Variants in SCUBE2 observed in about 807,000 individuals in gnomAD.
SCUBE2 encodes the protein signal peptide, CUB and EGF-like domain-containing protein 2.
SCUBE2 carries 114 observed loss-of-function variants against 125.9 expected under a neutral mutation model. The ratio of observed to expected loss-of-function variants is 0.91; its 90% CI spans 0.78 to 1.06. The LOEUF (loss-of-function observed/expected upper bound fraction) is 1.06, where lower values mean the gene tolerates loss of function less well. Ranked by LOEUF, SCUBE2 falls within the 50% of genes least tolerant of loss-of-function variation. SCUBE2 has a pLI of 0.00. For missense variants in SCUBE2, 1,255 were observed against 1,301.8 expected, an observed-to-expected ratio of 0.96 and a Z score of 0.55; for synonymous variants, 459 against 492.9, an observed-to-expected ratio of 0.93 and a Z score of 0.91.
chr11:9,030,997 C>G (rs113440909), intron 17 of SCUBE2, 72 bp from the exon 18 acceptor site: 5 of 1,437,138 alleles, frequency 3.5e-6, no homozygotes, highest in South Asian at 1.3e-5. Flanking sequence ...CCAAATGAGA[C>G]CAACTTCAGT....
chr11:9,083,179 A>G (rs907865817), intron 2 of SCUBE2, among the ~76,000 whole-genome samples: 1 of 151,992 alleles, frequency 6.6e-6, no homozygotes, highest in African/African-American at 2.4e-5. Flanking sequence ...AGGGAAATGC[A>G]TGGAAGGAGG....
At chr11:9,072,693 G>T (rs1038139905) in intron 4 of SCUBE2, among the ~76,000 whole-genome samples, 1 of 152,168 alleles carries the variant, frequency 6.6e-6, no homozygotes, top group African/African-American at 2.4e-5. Context: ...CAAGCAATCA[G>T]GTTGAAACAC....
Position 9,055,889 on chromosome 11 carries a change from C to A in SCUBE2, c.1111G>T (p.Asp371Tyr), listed in dbSNP as rs768800446. 3.6e-5 allele frequency: 58 copies of A among 1,614,032 alleles called. No individual in the cohort carries two copies. The Middle Eastern group carries it at 6.6e-4, about 18-fold the overall frequency. The change falls in exon 10 of 23, where the codon GAT becomes TAT. Residue 371 changes from aspartate (D) to tyrosine (Y), a missense_variant. Asp to Tyr is a radical substitution (Grantham distance 160). This residue lies in a region of SCUBE2 where 378 missense variants were observed against 463.1 expected (regional missense o/e 0.82). Coordinates refer to ENST00000649792, the MANE Select transcript of SCUBE2 (RefSeq NM_001367977.2). ...SCQDVDECSL[D>Y]RTCDHSCINH... ...ATGCAGCTGTGGTCACAGGTCCTAT[C>A]CAAAGAGCACTCATCCACATCTGTA...
At position 9,059,443 on chromosome 11, in the gene SCUBE2, T is replaced by C. The variant is rs774845794; in HGVS notation, c.968-18A>G. On this transcript the variant is annotated intron_variant, in intron 8 of 22. Transcript: ENST00000649792. ...ATCAATATCTGCAACAGGAAAGCAT[T>C]GGGCATATCAGAGAGCAATACTTGC... The C allele has an allele frequency of 2.5e-6, 4 of 1,611,678 alleles. No homozygotes were observed. Among genetic ancestry groups the C allele is most frequent in the Non-Finnish European group, 3.4e-6 (4 of 1,178,120 alleles).
rs1449905081 is a variant in SCUBE2 at position 9,048,053 on chromosome 11, G to A, written c.1685C>T (p.Thr562Ile). ...TGGGACTTGCTTGCCAGAGCTGCAT[G>A]TAAGGTTTACGTAGCGGAAGCTCTC... ...VKESFRYVNL[T>I]CSSGKQVPGA... Residue 562 changes from threonine to isoleucine, a missense_variant, in exon 15 of 23, where the codon ACA (threonine) becomes ATA (isoleucine). This residue lies in a region of SCUBE2 where 378 missense variants were observed against 463.1 expected (regional missense o/e 0.82). Coordinates refer to ENST00000649792, the MANE Select transcript of SCUBE2 (RefSeq NM_001367977.2). 2 of 1,614,168 alleles carry A rather than the reference G, an allele frequency of 1.2e-6. No individual in the cohort carries two copies. The highest frequency in any genetic ancestry group is 1.1e-5 in the South Asian group (1 of 91,086).
chr11:9,034,694 C>A (rs1017435036), intron 16 of SCUBE2, among the ~76,000 whole-genome samples: 1 of 152,084 alleles, frequency 6.6e-6, no homozygotes, highest in Non-Finnish European at 1.5e-5. Flanking sequence ...ATAAACAATA[C>A]AACAGGCTGT....
chr11:9,091,065 T>C lies in SCUBE2; in HGVS notation c.133+331A>G, dbSNP rs1388136042. Among the ~76,000 whole-genome samples, 1 of 151,984 alleles carries C rather than the reference T, an allele frequency of 6.6e-6. No individual in the cohort carries two copies. Among genetic ancestry groups the C allele is most frequent in the East Asian group, 2.0e-4 (1 of 5,120 alleles). ...CGGCCCTCAGTTTCCCCGCCTACGC[T>C]GAGGCGCGGGACCCCAAGGCCAGGG... On this transcript the variant is annotated intron_variant, in intron 1 of 22. Coordinates refer to ENST00000649792, the MANE Select transcript of SCUBE2 (RefSeq NM_001367977.2). This position sits in a 1 kb window ranked among gnomAD's most constrained non-coding sequence, Gnocchi z 8.5.
chr11:9,074,361 C>T, intron 4 of SCUBE2, 120 bp downstream of exon 4: 1 of 1,288,048 alleles, frequency 7.8e-7, no homozygotes, highest in Non-Finnish European at 1.1e-6. Flanking sequence ...TGGACTCGTC[C>T]TCAGGCCTCC....
At chr11:9,061,320 G>T (rs529314662) in intron 7 of SCUBE2, among the ~76,000 whole-genome samples, 5 of 152,218 alleles carry the variant, frequency 3.3e-5, no homozygotes, top group African/African-American at 1.2e-4. Flanking sequence ...ACTTTGGGAG[G>T]CTGAGGCAGG....
At chr11:9,056,301 G>C (rs1012295511) in intron 9 of SCUBE2, among the ~76,000 whole-genome samples, 1 of 152,162 alleles carries the variant, frequency 6.6e-6, no homozygotes, top group Non-Finnish European at 1.5e-5. Context: ...TAGTAAAACA[G>C]CAATATTAAT....
chr11:9,033,524 GC>G, intron 17 of SCUBE2, 101 bp downstream of exon 17: 2 of 1,362,364 alleles, frequency 1.5e-6, no homozygotes, highest in Non-Finnish European at 1.0e-6. Flanking sequence ...CTTGTAGGAA[GC>G]CCCGGGTGAG....
rs762447560 is a variant in SCUBE2, at chr11:9,021,876, C to CTTAA, written c.2930_2933dup (p.Lys978AsnfsTer2). On this transcript the variant is annotated stop_gained and frameshift_variant and splice_region_variant, in exon 22 of 23. Coordinates refer to ENST00000649792, the MANE Select transcript of SCUBE2 (RefSeq NM_001367977.2). LOFTEE classifies it high-confidence loss of function. Reference sequence around the variant, plus strand: ...ATGTCCACCTGAGCCAGGCACTCACCTTAAGTATTTCCTGATGGTTCTCAG... The same window carrying CTTAA: ...ATGTCCACCTGAGCCAGGCACTCACCTTAATTAAGTATTTCCTGATGGTTCTCAG... The CTTAA allele has an allele frequency of 9.9e-6, 16 of 1,611,980 alleles. No homozygotes were observed. The Admixed American group carries it at 2.7e-4, about 27-fold the overall frequency.
chr11:9,033,483 C>T, intron 17 of SCUBE2, 143 bp downstream of exon 17: 1 of 870,930 alleles, frequency 1.1e-6, no homozygotes. Flanking sequence ...CACTGGTGAG[C>T]CAAAGATGAA....
In SCUBE2 at chr11:9,060,390, T is replaced by C. The variant is rs989839101; in HGVS notation, c.967+18A>G. ...TCCATAACAGGGCACCCAGTCTCCC[T>C]GGGGAGGTGAAGGCTACCTTTACAT... On this transcript the variant is annotated intron_variant, in intron 8 of 22. Transcript: ENST00000649792. 1.9e-6 allele frequency: 3 copies of C among 1,593,310 alleles called. No individual in the cohort carries two copies. The highest frequency in any genetic ancestry group is 2.7e-5 in the African/African-American group (2 of 74,508).
chr11:9,037,425 C>T (rs559245545), intron 16 of SCUBE2, among the ~76,000 whole-genome samples: 27 of 152,318 alleles, frequency 1.8e-4, no homozygotes, highest in African/African-American at 6.0e-4. Context: ...AGCTTGAAGC[C>T]TCCGCCTCTT....
At chr11:9,086,127 A>T (rs11821561) in intron 2 of SCUBE2, among the ~76,000 whole-genome samples, 1 of 152,124 alleles carries the variant, frequency 6.6e-6, no homozygotes, top group Non-Finnish European at 1.5e-5. Flanking sequence ...AGCCAATTCA[A>T]TTCCTCAAAC....
rs373221054 is a variant in SCUBE2 at position 9,054,699 on chromosome 11, GTGTATATATATA to G, written c.1208-952_1208-941del. Among the ~76,000 whole-genome samples the G allele has an allele frequency of 1.4e-3, 63 of 44,712 alleles. 3 individuals carry two copies. The highest frequency in any genetic ancestry group is 5.8e-3 in the East Asian group (5 of 860). The allele number at this position is 44,712 out of a possible 152,430, so 29.3% of individuals were successfully genotyped here. A position where few individuals can be genotyped will look rare whatever the true frequency, so the allele number is the denominator to read the frequency against. On this transcript the variant is annotated intron_variant, in intron 10 of 22. Coordinates refer to ENST00000649792, the MANE Select transcript of SCUBE2 (RefSeq NM_001367977.2). ...GATAACTGTCAGTAGCAAAGCACTAGTGTATATATATATATATATATATATATTTTTTTTTTT... is the reference window on the plus strand; with the variant it reads ...GATAACTGTCAGTAGCAAAGCACTAGTATATATATATATATTTTTTTTTTT...
Position 9,025,961 on chromosome 11 carries a change from C to T in SCUBE2, c.2702-107G>A, listed in dbSNP as rs1312926449. 7 of 1,209,850 alleles carry T rather than the reference C, an allele frequency of 5.8e-6. No homozygotes were observed. The East Asian group carries it at 1.5e-4, about 25-fold the overall frequency. 74.9% of individuals were successfully genotyped at this position (1,209,850 alleles called of 1,614,324 possible). A position where few individuals can be genotyped will look rare whatever the true frequency, so the allele number is the denominator to read the frequency against. On this transcript the variant is annotated intron_variant, in intron 20 of 22. Transcript: ENST00000649792. Reference sequence around the variant, plus strand: ...CTCAAACCATACAATAAGTTATGCTCAAAAGCTCTTCAGGCCCAGCTGAGC... The same window carrying T: ...CTCAAACCATACAATAAGTTATGCTTAAAAGCTCTTCAGGCCCAGCTGAGC...
rs80106267 is a variant in SCUBE2, at chr11:9,028,530, C to T, written c.2504-969G>A. On this transcript the variant is annotated intron_variant, in intron 19 of 22. Coordinates refer to ENST00000649792, the MANE Select transcript of SCUBE2 (RefSeq NM_001367977.2). ...AGTGTCACCCAAAGCTCTGAGAGCTCAGAAATGAGAAAGACACAGTCTTTG... is the reference window on the plus strand; with the variant it reads ...AGTGTCACCCAAAGCTCTGAGAGCTTAGAAATGAGAAAGACACAGTCTTTG... Among the ~76,000 whole-genome samples the T allele has an allele frequency of 4.2e-3, 640 of 152,286 alleles. 6 individuals carry two copies. The highest frequency in any genetic ancestry group is 7.2e-3 in the Non-Finnish European group (488 of 68,040).
Sources: allele counts gnomAD v4.1 joint callset (sites outside exome capture counted in the v4.1 genomes callset), GRCh38; gene constraint gnomAD v4.1.1; regional missense constraint gnomAD v4.1.1; non-coding constraint Gnocchi (gnomAD v3.1); transcripts MANE v1.5; gene names NCBI Gene and HGNC (gene_info 2026-07-23, HGNC 2026-07-21).